Variants in DOK5 observed in about 807,000 individuals in gnomAD.
The protein encoded by DOK5 is docking protein 5, also known as downstream of tyrosine kinase 5.
Under a neutral mutation model 43.3 loss-of-function variants are expected in DOK5, and 27 were observed. The observed-to-expected ratio is 0.62, with a 90% confidence interval of 0.46 to 0.86. DOK5 has a LOEUF of 0.86. Among genes scored for constraint, DOK5 ranks in the 40% least tolerant of loss-of-function variants. The probability of loss-of-function intolerance (pLI) is 0.00; values close to 1 mark genes in which losing one functional copy is unlikely to be tolerated. For synonymous variants in DOK5, 146 were observed against 140.1 expected (o/e 1.04, Z -0.30); for missense variants, 373 against 392.9 (o/e 0.95, Z 0.43).
rs540192713 is a variant in DOK5 at position 54,531,512 on chromosome 20, C to T, written c.67-23421C>T. On this transcript the variant is annotated intron_variant, in intron 1 of 7. Coordinates refer to ENST00000262593, the MANE Select transcript of DOK5 (RefSeq NM_018431.5). Reference sequence around the variant, plus strand: ...CATTCCAGGGCTTTGCAATATTCAGCAACCTCCTACAAGCTTCTTTTTGTC... The same window carrying T: ...CATTCCAGGGCTTTGCAATATTCAGTAACCTCCTACAAGCTTCTTTTTGTC... 1.2e-4 allele frequency among the ~76,000 whole-genome samples: 19 copies of T among 152,272 alleles called. No individual in the cohort carries two copies. The South Asian group carries it at 1.5e-3, about 12-fold the overall frequency.
At position 54,475,813 on chromosome 20, in the gene DOK5, C is replaced by T. The variant is rs1458662692; in HGVS notation, c.-134C>T. On this transcript the variant is annotated 5_prime_UTR_variant, in exon 1 of 8. Transcript: ENST00000262593. This position sits in a 1 kb window ranked among gnomAD's most constrained non-coding sequence, Gnocchi z 4.2. ...TGATGTGCGCCTTCTAAAGCCTCGC[C>T]CAGCGCCGCCGAAGCAGCTTCACCT... 9.3e-7 allele frequency: 1 copy of T among 1,077,716 alleles called. No homozygotes were observed. The highest frequency in any genetic ancestry group is 1.4e-6 in the Non-Finnish European group (1 of 734,254). The allele number at this position is 1,077,716 out of a possible 1,614,324, so 66.8% of individuals were successfully genotyped here. A position where few individuals can be genotyped will look rare whatever the true frequency, so the allele number is the denominator to read the frequency against.
At chr20:54,578,029 T>A (rs927159875) in intron 2 of DOK5, among the ~76,000 whole-genome samples, 1 of 152,170 alleles carries the variant, frequency 6.6e-6, no homozygotes, top group Non-Finnish European at 1.5e-5. Context: ...TTGGTTTGAT[T>A]TACATATCCC....
In DOK5 at chr20:54,475,608, C is replaced by A; in HGVS notation, c.-339C>A. On this transcript the variant is annotated 5_prime_UTR_variant, in exon 1 of 8. Transcript: ENST00000262593. This position sits in a 1 kb window ranked among gnomAD's most constrained non-coding sequence, Gnocchi z 4.2. ...CCTCCTCCTCCTTCTTCTCCTCCTT[C>A]TCGGCCGGGAGGAGGCAGGGCTGGA... 2.6e-6 allele frequency: 1 copy of A among 383,238 alleles called. No individual in the cohort carries two copies. Among genetic ancestry groups the A allele is most frequent in the Admixed American group, 4.2e-5 (1 of 23,802 alleles). 23.7% of individuals were successfully genotyped at this position (383,238 alleles called of 1,614,324 possible). A position where few individuals can be genotyped will look rare whatever the true frequency, so the allele number is the denominator to read the frequency against.
At chr20:54,579,473 G>A (rs549039964) in intron 2 of DOK5, among the ~76,000 whole-genome samples, 1 of 152,068 alleles carries the variant, frequency 6.6e-6, no homozygotes, top group African/African-American at 2.4e-5. Context: ...TTAATTACAT[G>A]TACATTGTTT....
chr20:54,646,648 T>G (rs1013362210), intron 7 of DOK5, among the ~76,000 whole-genome samples: 1 of 152,198 alleles, frequency 6.6e-6, no homozygotes, highest in African/African-American at 2.4e-5. Flanking sequence ...TTATCAAAAG[T>G]GGCTATTTAA....
intron 6 of DOK5, among the ~76,000 whole-genome samples, chr20:54,632,422 C>A (rs999248355): frequency 2.0e-5 from 3 of 152,168 alleles, no homozygotes; most frequent in African/African-American, 7.2e-5. Context: ...TTCAGAAATT[C>A]TTGTTAAAGA....
chr20:54,645,925 CAAA>C (rs550943378), intron 7 of DOK5, among the ~76,000 whole-genome samples: 5 of 85,878 alleles, frequency 5.8e-5, no homozygotes, highest in South Asian at 4.8e-4. Flanking sequence ...GCAGATGCTG[CAAA>C]AAAAAAAAAA....
chr20:54,505,005 A>G (rs1255154799), intron 1 of DOK5, among the ~76,000 whole-genome samples: 3 of 151,786 alleles, frequency 2.0e-5, no homozygotes, highest in African/African-American at 4.9e-5. Context: ...TTCTATTCAT[A>G]TCTGTCCCGG....
intron 6 of DOK5, among the ~76,000 whole-genome samples, chr20:54,616,770 C>CTTT (rs768379251): frequency 1.2e-4 from 14 of 120,630 alleles, no homozygotes; most frequent in South Asian, 2.7e-4. Flanking sequence ...GATCCACTTT[C>CTTT]TTTTTTTTTT....
At chr20:54,622,331 T>C (rs956972615) in intron 6 of DOK5, among the ~76,000 whole-genome samples, 1 of 152,270 alleles carries the variant, frequency 6.6e-6, no homozygotes, top group Admixed American at 6.5e-5. Flanking sequence ...GGCTTCTTCC[T>C]TAAATTTGCG....
intron 7 of DOK5, among the ~76,000 whole-genome samples, chr20:54,647,050 C>T (rs1192408482): frequency 1.3e-5 from 2 of 152,098 alleles, no homozygotes; most frequent in African/African-American, 2.4e-5. Flanking sequence ...TATCATTTTA[C>T]TACAGTTTTT....
intron 1 of DOK5, among the ~76,000 whole-genome samples, chr20:54,488,602 G>A (rs1982034391): frequency 1.3e-5 from 2 of 151,850 alleles, no homozygotes; most frequent in South Asian, 2.1e-4. Context: ...CCAAGTCCCT[G>A]GCCTCATAGA....
Position 54,475,957 on chromosome 20 carries a change from A to G in DOK5, c.11A>G (p.Asn4Ser). MAS[N>S]FNDIVKQGYV... ...CACCGGCTGTCTGGGATGGCTTCCA[A>G]TTTTAATGACATAGTGAAGCAAGGG... Residue 4 changes from asparagine (N) to serine (S), a missense_variant, in exon 1 of 8, where the codon AAT becomes AGT. Coordinates refer to ENST00000262593, the MANE Select transcript of DOK5 (RefSeq NM_018431.5). The surrounding 1 kb of genome is among the most constrained non-coding windows in gnomAD (Gnocchi z 4.2). 6.2e-7 allele frequency: 1 copy of G among 1,613,364 alleles called. No individual in the cohort carries two copies. Among genetic ancestry groups the G allele is most frequent in the Non-Finnish European group, 8.5e-7 (1 of 1,179,920 alleles).
At chr20:54,590,282 C>A (rs368950177) in intron 4 of DOK5, among the ~76,000 whole-genome samples, 1 of 152,282 alleles carries the variant, frequency 6.6e-6, no homozygotes, top group African/African-American at 2.4e-5. Flanking sequence ...TGTGTCCTCT[C>A]AGGCCCTTTC....
intron 1 of DOK5, among the ~76,000 whole-genome samples, chr20:54,531,161 A>C (rs1983758215): frequency 1.3e-5 from 2 of 152,226 alleles, no homozygotes; most frequent in African/African-American, 4.8e-5. Context: ...TTTGTGGTCC[A>C]TCATGAATGT....
At chr20:54,534,168 A>T (rs1485816573) in intron 1 of DOK5, among the ~76,000 whole-genome samples, 1 of 152,140 alleles carries the variant, frequency 6.6e-6, no homozygotes, top group Admixed American at 6.6e-5. Context: ...TAGGAGAGAG[A>T]TGAAATTGAT....
At position 54,591,597 on chromosome 20, in the gene DOK5, C is replaced by A. The variant is rs371582963; in HGVS notation, c.410-19C>A. 2.6e-6 allele frequency: 4 copies of A among 1,545,910 alleles called. No homozygotes were observed. The highest frequency in any genetic ancestry group is 4.8e-5 in the East Asian group (2 of 41,956). On this transcript the variant is annotated intron_variant, in intron 4 of 7. Transcript: ENST00000262593. ...TTTATTCCTGGGGATTTTAGACTAACCTTTTGTTTTTCTCCCAGAGAGATT... is the reference window on the plus strand; with the variant it reads ...TTTATTCCTGGGGATTTTAGACTAAACTTTTGTTTTTCTCCCAGAGAGATT...
At chr20:54,540,202 T>C (rs1370260518) in intron 1 of DOK5, among the ~76,000 whole-genome samples, 1 of 152,068 alleles carries the variant, frequency 6.6e-6, no homozygotes, top group Non-Finnish European at 1.5e-5. Flanking sequence ...AAATGAGTGC[T>C]CTGCATAGAT....
intron 1 of DOK5, among the ~76,000 whole-genome samples, chr20:54,549,985 G>A (rs560168346): frequency 4.6e-5 from 7 of 152,218 alleles, no homozygotes; most frequent in South Asian, 4.1e-4. Flanking sequence ...GGAGCCAATC[G>A]TCTCATCTGT....
Sources: gnomAD v4.1 joint callset for allele counts (sites outside exome capture counted in the v4.1 genomes callset) on GRCh38, gnomAD v4.1.1 for gene constraint, Gnocchi (gnomAD v3.1) non-coding constraint, MANE v1.5 for transcripts, NCBI Gene and HGNC (gene_info 2026-07-23, HGNC 2026-07-21) for gene names.